The following CAST variants were observed in gnomAD, a reference collection of about 807,000 sequenced individuals.
The protein encoded by CAST is calpastatin, also known as MIR583 host.
Under a neutral mutation model 119.6 loss-of-function variants are expected in CAST, and 76 were observed. That is an observed-to-expected ratio of 0.64 (90% CI 0.53 to 0.77). The LOEUF is 0.77. Among genes scored for constraint, CAST ranks in the 30% least tolerant of loss-of-function variants. The pLI, the probability that CAST is intolerant of heterozygous loss-of-function variation, is 0.00. For missense variants in CAST, 953 were observed against 946.5 expected, an observed-to-expected ratio of 1.01 and a Z score of -0.09; for synonymous variants, 319 against 331.6, an observed-to-expected ratio of 0.96 and a Z score of 0.41.
chr5:96,368,428 A>C, the CAST span, among the ~76,000 whole-genome samples: 1 of 151,190 alleles, frequency 6.6e-6, no homozygotes, highest in Non-Finnish European at 1.5e-5. Flanking sequence ...TGAACCCAGG[A>C]GTTGGAGGTT....
intron 1 of CAST, among the ~76,000 whole-genome samples, chr5:96,590,732 T>C (rs1459728195): frequency 1.3e-5 from 2 of 152,158 alleles, no homozygotes; most frequent in African/African-American, 4.8e-5. Flanking sequence ...TGGTTCCTAT[T>C]CTCCAACTCC....
chr5:96,648,760 C>T (rs1257333257), intron 1 of CAST, among the ~76,000 whole-genome samples: 3 of 147,332 alleles, frequency 2.0e-5, no homozygotes, highest in East Asian at 1.9e-4. Flanking sequence ...ATAAGACACT[C>T]GTTCACAGTC....
At chr5:96,493,544 A>G in the CAST span, among the ~76,000 whole-genome samples, 1 of 152,196 alleles carries the variant, frequency 6.6e-6, no homozygotes, top group African/African-American at 2.4e-5. Flanking sequence ...CTAAACCAGT[A>G]TGTATCCCCA....
At chr5:96,257,251 T>A in the CAST span, among the ~76,000 whole-genome samples, 7 of 152,198 alleles carry the variant, frequency 4.6e-5, no homozygotes, top group African/African-American at 1.7e-4. Context: ...TTAATATACA[T>A]CAAAGCAGTT....
chr5:96,586,859 T>C (rs549145341), intron 1 of CAST, among the ~76,000 whole-genome samples: 2 of 152,334 alleles, frequency 1.3e-5, no homozygotes, highest in South Asian at 4.1e-4. Context: ...AGCCAGGCAC[T>C]CTGTTAAGCC....
chr5:96,604,507 A>T (rs1047724791), intron 1 of CAST, among the ~76,000 whole-genome samples: 3 of 152,242 alleles, frequency 2.0e-5, no homozygotes, highest in Non-Finnish European at 4.4e-5. Context: ...ATGTAGAAAG[A>T]GGTCAGTGAG....
chr5:96,507,214 C>A, the CAST span, among the ~76,000 whole-genome samples: 25 of 151,958 alleles, frequency 1.6e-4, 1 homozygote, highest in African/African-American at 6.0e-4. Context: ...GCATTCACGT[C>A]GGGGAGAAGA....
chr5:96,190,185 G>A, the CAST span, among the ~76,000 whole-genome samples: 1 of 152,108 alleles, frequency 6.6e-6, no homozygotes, highest in African/African-American at 2.4e-5. Context: ...TGGGGCTGGG[G>A]AACTAGGCCT....
the CAST span, among the ~76,000 whole-genome samples, chr5:96,003,313 C>A: frequency 6.6e-6 from 1 of 151,924 alleles, no homozygotes; most frequent in East Asian, 1.9e-4. Context: ...CCGAGGAGGG[C>A]AGATCATGAG....
intron 20 of CAST, among the ~76,000 whole-genome samples, chr5:96,751,831 G>A (rs1323502586): frequency 1.3e-5 from 2 of 152,188 alleles, no homozygotes; most frequent in Non-Finnish European, 2.9e-5. Context: ...TACCCTGACT[G>A]TAGAGCTGAG....
At chr5:96,451,227 A>G in the CAST span, among the ~76,000 whole-genome samples, 1 of 152,214 alleles carries the variant, frequency 6.6e-6, no homozygotes, top group Non-Finnish European at 1.5e-5. Flanking sequence ...CCACCTCCAT[A>G]CTACTTCCAA....
chr5:96,308,083 G>A, the CAST span, among the ~76,000 whole-genome samples: 2 of 152,068 alleles, frequency 1.3e-5, no homozygotes, highest in Non-Finnish European at 2.9e-5. Context: ...TCACTTTCAG[G>A]TACACCAATC....
chr5:96,153,316 C>CAG, the CAST span, among the ~76,000 whole-genome samples: 83 of 151,902 alleles, frequency 5.5e-4, no homozygotes, highest in South Asian at 0.012. Flanking sequence ...GCCCTCCTCA[C>CAG]AGAGAGAGAG....
At chr5:96,641,538 C>A (rs913942063) in intron 1 of CAST, among the ~76,000 whole-genome samples, 3 of 152,146 alleles carry the variant, frequency 2.0e-5, no homozygotes, top group Admixed American at 2.0e-4. Flanking sequence ...GTTTACAGTG[C>A]TTGATGGTTT....
chr5:96,156,878 A>G, the CAST span, among the ~76,000 whole-genome samples: 1 of 152,220 alleles, frequency 6.6e-6, no homozygotes, highest in Admixed American at 6.5e-5. Context: ...TGCCTACAGC[A>G]AAGGTCTGTA....
chr5:96,034,344 C>A, the CAST span, among the ~76,000 whole-genome samples: 1 of 151,728 alleles, frequency 6.6e-6, no homozygotes, highest in Non-Finnish European at 1.5e-5. Flanking sequence ...GGAACTCTCA[C>A]ACACTGTTGG....
chr5:96,362,552 T>A, the CAST span, among the ~76,000 whole-genome samples: 1 of 152,212 alleles, frequency 6.6e-6, no homozygotes, highest in South Asian at 2.1e-4. Context: ...GGTATCTCAT[T>A]GTGGTTTTGA....
chr5:96,197,547 C>T, the CAST span, among the ~76,000 whole-genome samples: 1 of 152,134 alleles, frequency 6.6e-6, no homozygotes, highest in Admixed American at 6.6e-5. Flanking sequence ...GACAGATTTT[C>T]AACACTTCTT....
the CAST span, among the ~76,000 whole-genome samples, chr5:95,977,423 A>T: frequency 6.6e-6 from 1 of 152,338 alleles, no homozygotes; most frequent in South Asian, 2.1e-4. Context: ...TCACATTGTC[A>T]ATTAAGTTGT....
Sources: gnomAD v4.1 joint callset for allele counts (sites outside exome capture counted in the v4.1 genomes callset) on GRCh38, gnomAD v4.1.1 for gene constraint, MANE v1.5 for transcripts, NCBI Gene and HGNC (gene_info 2026-07-23, HGNC 2026-07-21) for gene names.